Variants in RHOT1 observed in about 807,000 individuals in gnomAD.
RHOT1 encodes the protein mitochondrial Rho GTPase 1.
In RHOT1, 27 loss-of-function variants were observed where a neutral mutation model predicts 95.3. The ratio of observed to expected loss-of-function variants is 0.28; its 90% CI spans 0.21 to 0.39. RHOT1 has a LOEUF of 0.39. RHOT1 is among the 10% of genes least tolerant of loss of function. The pLI is 1.00. For synonymous variants in RHOT1, 227 were observed against 263.5 expected, an observed-to-expected ratio of 0.86 and a Z score of 1.34; for missense variants, 578 against 786.7, an observed-to-expected ratio of 0.73 and a Z score of 3.17.
intron 6 of RHOT1, among the ~76,000 whole-genome samples, chr17:32,178,228 C>T (rs1331384839): frequency 6.8e-6 from 1 of 147,504 alleles, no homozygotes; most frequent in Admixed American, 6.8e-5. Flanking sequence ...ATCTCCCTCT[C>T]TTGCCGAGTC....
intron 6 of RHOT1, among the ~76,000 whole-genome samples, chr17:32,180,548 G>GT (rs776206576): frequency 4.0e-5 from 6 of 150,824 alleles, no homozygotes; most frequent in Admixed American, 2.0e-4. Flanking sequence ...TTGTTCACAT[G>GT]TTTATCTGCT....
At chr17:32,171,270 G>C (rs973515106) in intron 2 of RHOT1, among the ~76,000 whole-genome samples, 169 bp downstream of exon 2, 1 of 152,054 alleles carries the variant, frequency 6.6e-6, no homozygotes, top group Non-Finnish European at 1.5e-5. Flanking sequence ...GCCCAGGCTG[G>C]AGTGCAGTGG....
At position 32,182,899 on chromosome 17, in the gene RHOT1, T is replaced by C. The variant is rs371081241; in HGVS notation, c.438+34T>C. ...TGTAATTTGATTTGAAAATTTATTT[T>C]TAATGAATTCTTACTAAATTCGGGT... On this transcript the variant is annotated intron_variant, in intron 7 of 19. Coordinates refer to ENST00000545287, the MANE Select transcript of RHOT1 (RefSeq NM_001033566.3). 24 of 1,313,814 alleles carry C rather than the reference T, an allele frequency of 1.8e-5. 1 individual carries two copies. Among genetic ancestry groups the C allele is most frequent in the African/African-American group, 1.6e-4 (11 of 67,700 alleles). The allele number at this position is 1,313,814 out of a possible 1,614,324, so 81.4% of individuals were successfully genotyped here. A position where few individuals can be genotyped will look rare whatever the true frequency, so the allele number is the denominator to read the frequency against.
At chr17:32,167,093 A>T (rs763799969) in intron 1 of RHOT1, among the ~76,000 whole-genome samples, 1 of 152,178 alleles carries the variant, frequency 6.6e-6, no homozygotes, top group East Asian at 1.9e-4. Flanking sequence ...TGCAGACTGG[A>T]TGTCATGTTA....
chr17:32,145,235 G>A (rs2031126026), intron 1 of RHOT1, among the ~76,000 whole-genome samples: 1 of 152,100 alleles, frequency 6.6e-6, no homozygotes, highest in African/African-American at 2.4e-5. Context: ...AGGAGATGGA[G>A]GTCGCAGTGA....
intron 19 of RHOT1, among the ~76,000 whole-genome samples, chr17:32,213,700 A>T (rs1428244660): frequency 6.6e-6 from 1 of 152,172 alleles, no homozygotes; most frequent in African/African-American, 2.4e-5. Context: ...GCTGATCACA[A>T]ACCACCTATT....
rs559841385 is a variant in RHOT1 at position 32,198,238 on chromosome 17, G to A, written c.870-709G>A. Among the ~76,000 whole-genome samples the A allele has an allele frequency of 2.0e-5, 3 of 152,220 alleles. No individual in the cohort carries two copies. The South Asian group carries it at 6.2e-4, about 32-fold the overall frequency. The stretch of plus-strand genomic sequence containing the variant: ...ATGTTTATTAAACAGAATTTAGGGT[G>A]GGTCCAAAAGGTCAAGTCAGGTAGA... On this transcript the variant is annotated intron_variant, in intron 11 of 19. Transcript: ENST00000545287.
intron 18 of RHOT1, 39 bp downstream of exon 18, chr17:32,208,348 C>G: frequency 6.7e-7 from 1 of 1,500,144 alleles, no homozygotes; most frequent in South Asian, 1.1e-5. Context: ...TTGCATGGTT[C>G]ATAACATTGC....
intron 15 of RHOT1, 156 bp from the exon 16 acceptor site, chr17:32,203,734 C>A: frequency 1.7e-6 from 1 of 574,378 alleles, no homozygotes. Context: ...AACTAAGAAA[C>A]ATAAAATCAA....
chr17:32,190,194 G>A (rs956196388), intron 8 of RHOT1, among the ~76,000 whole-genome samples: 5 of 152,102 alleles, frequency 3.3e-5, no homozygotes, highest in Non-Finnish European at 5.9e-5. Flanking sequence ...AATGGATCAT[G>A]CCTGTAATCC....
Position 32,206,991 on chromosome 17 carries a change from A to C in RHOT1, c.1498A>C (p.Asn500His). The stretch of plus-strand genomic sequence containing the variant: ...TGTATGCCTGGTATATGATGTCAGC[A>C]ATCCCAAATCCTTTGAATACTGTGC... ...DVVCLVYDVS[N>H]PKSFEYCARI... Residue 500 changes from asparagine (N) to histidine (H), a missense_variant, in exon 17 of 20, where the codon AAT becomes CAT. Around this residue, in one of 4 missense-constraint regions of RHOT1, gnomAD observed 296 missense variants for 338.5 expected, o/e 0.87. Transcript: ENST00000545287. 6.2e-7 allele frequency: 1 copy of C among 1,613,130 alleles called. No individual in the cohort carries two copies. Among genetic ancestry groups the C allele is most frequent in the Non-Finnish European group, 8.5e-7 (1 of 1,179,540 alleles).
chr17:32,147,872 A>G (rs1321587785), intron 1 of RHOT1, among the ~76,000 whole-genome samples: 1 of 151,790 alleles, frequency 6.6e-6, no homozygotes, highest in Non-Finnish European at 1.5e-5. Context: ...TGTGTTTACT[A>G]CCTGGGTAAT....
At chr17:32,206,246 C>T (rs1260798436) in intron 16 of RHOT1, among the ~76,000 whole-genome samples, 2 of 126,384 alleles carry the variant, frequency 1.6e-5, no homozygotes, top group Non-Finnish European at 3.2e-5. Context: ...ACTTTTGTCA[C>T]CCAGGCTGGA....
intron 1 of RHOT1, among the ~76,000 whole-genome samples, chr17:32,165,139 C>T (rs1451446539): frequency 6.6e-6 from 1 of 151,952 alleles, no homozygotes; most frequent in African/African-American, 2.4e-5. Context: ...AGATCGAGAC[C>T]ATCCTGGCTA....
chr17:32,203,105 AGTGTTTAAATG>A (rs1426562246), intron 15 of RHOT1, among the ~76,000 whole-genome samples: 1 of 152,004 alleles, frequency 6.6e-6, no homozygotes, highest in Non-Finnish European at 1.5e-5. Flanking sequence ...TTTTTTAACC[AGTGTTTAAATG>A]GGCATTAAAT....
In RHOT1 at chr17:32,164,996, TAAC is replaced by T. The variant is rs534491720; in HGVS notation, c.38-6036_38-6034del. Among the ~76,000 whole-genome samples the T allele has an allele frequency of 2.6e-3, 398 of 151,440 alleles. 2 individuals carry two copies. Among genetic ancestry groups the T allele is most frequent in the Admixed American group, 5.2e-3 (79 of 15,200 alleles). ...CAACATGGTGAAACTCCCTCTCTAC[TAAC>T]AACAACAACAGCAAAACAAAAAACA... On this transcript the variant is annotated intron_variant, in intron 1 of 19. Coordinates refer to ENST00000545287, the MANE Select transcript of RHOT1 (RefSeq NM_001033566.3).
intron 1 of RHOT1, among the ~76,000 whole-genome samples, chr17:32,161,706 T>C (rs2033573934): frequency 6.6e-6 from 1 of 152,260 alleles, no homozygotes; most frequent in East Asian, 1.9e-4. Context: ...GTCAGATTTC[T>C]CTTACTGTCA....
intron 13 of RHOT1, 146 bp from the exon 14 acceptor site, chr17:32,200,810 C>A: frequency 5.7e-6 from 3 of 530,916 alleles, no homozygotes; most frequent in East Asian, 3.5e-5. Flanking sequence ...GTAAGAAAAA[C>A]TATGGTTGGG....
intron 1 of RHOT1, among the ~76,000 whole-genome samples, chr17:32,168,809 A>G (rs1598337600): frequency 6.6e-6 from 1 of 152,110 alleles, no homozygotes; most frequent in African/African-American, 2.4e-5. Flanking sequence ...TTAAATCTGC[A>G]ACTAATCTTT....
Sources: gnomAD v4.1 joint callset for allele counts (sites outside exome capture counted in the v4.1 genomes callset) on GRCh38, gnomAD v4.1.1 for gene constraint, gnomAD v4.1.1 regional missense constraint, MANE v1.5 for transcripts, NCBI Gene and HGNC (gene_info 2026-07-23, HGNC 2026-07-21) for gene names.